TMEM147: variants seen among roughly 807,000 people sequenced by gnomAD.
The protein encoded by TMEM147 is BOS complex subunit TMEM147.
In TMEM147, 29 loss-of-function variants were observed where a neutral mutation model predicts 29.4. The ratio of observed to expected loss-of-function variants is 0.99; its 90% CI spans 0.73 to 1.34. The LOEUF (loss-of-function observed/expected upper bound fraction) is 1.34. Ranked by LOEUF, TMEM147 falls within the 40% of genes most tolerant of loss-of-function variation. The pLI, the probability that TMEM147 is intolerant of heterozygous loss-of-function variation, is 0.00. For synonymous variants in TMEM147, 121 were observed against 111.8 expected (o/e 1.08, Z -0.52); for missense variants, 260 against 289.4 (o/e 0.90, Z 0.74).
intron 5 of TMEM147, 25 bp from the exon 6 acceptor site, chr19:35,547,094 G>A: frequency 1.2e-6 from 2 of 1,614,184 alleles, no homozygotes; most frequent in Middle Eastern, 3.3e-4. Context: ...CCAAGGCCTG[G>A]CCCCGACTTT....
intron 4 of TMEM147, 37 bp downstream of exon 4, chr19:35,546,845 G>C (rs2071563966): frequency 3.1e-6 from 5 of 1,614,070 alleles, no homozygotes; most frequent in Non-Finnish European, 3.4e-6. Context: ...CCCCTGAGAA[G>C]GGACACCTGG....
In TMEM147 at chr19:35,547,161, C is replaced by T. The variant is rs747447468; in HGVS notation, c.472C>T (p.Arg158Cys). 11 of 1,614,050 alleles carry T rather than the reference C, an allele frequency of 6.8e-6. No individual in the cohort carries two copies. The highest frequency in any genetic ancestry group is 1.3e-5 in the African/African-American group (1 of 74,898). The change falls in exon 6 of 7, where the codon CGC becomes TGC. Residue 158 changes from arginine (R) to cysteine (C), a missense_variant. By Grantham distance (180) the Arg-to-Cys change is radical. Coordinates refer to ENST00000222284, the MANE Select transcript of TMEM147 (RefSeq NM_032635.4). ...GTCTGCTCAGGTCTGGATGATAACA[C>T]GCTATGATCTGTACCACACCTTCCG... is the stretch of plus-strand genomic sequence containing the variant. ...VASAQVWMIT[R>C]YDLYHTFRPA...
chr19:35,546,577 T>C lies in TMEM147; in HGVS notation c.199T>C (p.Phe67Leu). The C allele has an allele frequency of 6.2e-7, 1 of 1,613,432 alleles. No homozygotes were observed. Among genetic ancestry groups the C allele is most frequent in the Non-Finnish European group, 8.5e-7 (1 of 1,179,732 alleles). ...FPTWEGGIYD[F>L]IGEFMKASVD... is the part of the protein sequence containing the mutation. The stretch of plus-strand genomic sequence containing the variant: ...CACCTGGGAAGGCGGCATCTATGAC[T>C]TCATTGGGGTGAGAGGGGCCAGGGA... Residue 67 changes from phenylalanine (F) to leucine (L), a missense_variant, in exon 3 of 7, where the codon TTC (phenylalanine) becomes CTC (leucine). By Grantham distance (22) the Phe-to-Leu change is conservative. Transcript: ENST00000222284.
At chr19:35,546,623 G>A (rs117367621) in intron 3 of TMEM147, 38 bp downstream of exon 3, 65,687 of 1,609,482 alleles carry the variant, frequency 0.041, 1,506 homozygotes, top group Middle Eastern at 0.065. Context: ...GTTCAGGAAT[G>A]GGGCTCCCTG....
In TMEM147 at chr19:35,546,586, G is replaced by T. The variant is rs1301611238; in HGVS notation, c.207+1G>T. 1 of 1,613,100 alleles carries T rather than the reference G, an allele frequency of 6.2e-7. No individual in the cohort carries two copies. Among genetic ancestry groups the T allele is most frequent in the Non-Finnish European group, 8.5e-7 (1 of 1,179,598 alleles). ...AGGCGGCATCTATGACTTCATTGGG[G>T]TGAGAGGGGCCAGGGAAGGGAAGGG... On this transcript the variant is annotated splice_donor_variant, in intron 3 of 6. Transcript: ENST00000222284. LOFTEE classifies it high-confidence loss of function.
rs767203863 is a variant in TMEM147, at chr19:35,547,130, C to T, written c.441C>T (p.Ile147=). 3.7e-6 allele frequency: 6 copies of T among 1,614,184 alleles called. No homozygotes were observed. The highest frequency in any genetic ancestry group is 4.5e-5 in the East Asian group (2 of 44,884). The change falls in exon 6 of 7, where the codon ATC becomes ATT. Residue 147 remains isoleucine (I), a synonymous_variant. Transcript: ENST00000222284. ...CTGCCTCCCTCTAGGTCCATTACAT[C>T]GTCGCGTCTGCTCAGGTCTGGATGA... is the stretch of plus-strand genomic sequence containing the variant. The part of the protein sequence containing the change: ...IDSNISLVHY[I]VASAQVWMIT...
Position 35,545,662 on chromosome 19 carries a change from A to G in TMEM147, c.-78A>G. The G allele has an allele frequency of 1.3e-6, 2 of 1,515,784 alleles. No homozygotes were observed. The highest frequency in any genetic ancestry group is 1.2e-5 in the South Asian group (1 of 84,596). 93.9% of individuals were successfully genotyped at this position (1,515,784 alleles called of 1,614,324 possible). ...TGCCAGGCCCTGGCCGTGGCGAAAG[A>G]GCCGGCGGAGCCGGAGACCCGCTCC... On this transcript the variant is annotated 5_prime_UTR_variant, in exon 1 of 7. Transcript: ENST00000222284.
In TMEM147 at chr19:35,547,257, T is replaced by C; in HGVS notation, c.551+17T>C. 1 of 1,614,122 alleles carries C rather than the reference T, an allele frequency of 6.2e-7. No individual in the cohort carries two copies. Among genetic ancestry groups the C allele is most frequent in the Non-Finnish European group, 8.5e-7 (1 of 1,180,026 alleles). On this transcript the variant is annotated intron_variant, in intron 6 of 6. Transcript: ENST00000222284. ...TGTTATGGAGTGAGTTGGGTGGGGT[T>C]TAGGGCTGGGTCCAAAGTGGGGTGG... is the stretch of plus-strand genomic sequence containing the variant.
In TMEM147 at chr19:35,545,941, T is replaced by C; in HGVS notation, c.131T>C (p.Phe44Ser). The change falls in exon 2 of 7, where the codon TTT (phenylalanine) becomes TCT (serine). Residue 44 changes from phenylalanine to serine, a missense_variant. By Grantham distance (155) the Phe-to-Ser change is radical. Coordinates refer to ENST00000222284, the MANE Select transcript of TMEM147 (RefSeq NM_032635.4). The part of the protein sequence containing the change: ...KCVQAGVTYL[F>S]VQLCKMLFLA... ...GTCCAGGCTGGAGTCACCTACCTCT[T>C]TGTCCAACTCTGCAAGGTGAGGGCC... 5 of 1,613,820 alleles carry C rather than the reference T, an allele frequency of 3.1e-6. No homozygotes were observed. The highest frequency in any genetic ancestry group is 4.2e-6 in the Non-Finnish European group (5 of 1,179,878).
At chr19:35,546,887 A>G in intron 4 of TMEM147, 58 bp from the exon 5 acceptor site, 4 of 1,614,122 alleles carry the variant, frequency 2.5e-6, no homozygotes, top group Middle Eastern at 1.7e-4. Flanking sequence ...GCAGGGGCTC[A>G]AAGCCTGGTG....
In TMEM147 at chr19:35,547,339, C is replaced by T. The variant is rs1414843125; in HGVS notation, c.567C>T (p.Leu189=). Residue 189 remains leucine (L), a synonymous_variant, in exon 7 of 7, where the codon CTC becomes CTT. Transcript: ENST00000222284. ...TTTCCTGCAGGACCTTCGTCCACCT[C>T]TGCTCGCTGGGCAGTTGGGCAGCTC... ...KAFVMETFVH[L]CSLGSWAALL... is the part of the protein sequence containing the mutation. The T allele has an allele frequency of 1.9e-6, 3 of 1,613,920 alleles. No individual in the cohort carries two copies. Among genetic ancestry groups the T allele is most frequent in the Non-Finnish European group, 2.5e-6 (3 of 1,180,026 alleles).
intron 4 of TMEM147, 55 bp from the exon 5 acceptor site, chr19:35,546,890 G>A: frequency 6.2e-7 from 1 of 1,614,158 alleles, no homozygotes; most frequent in East Asian, 2.2e-5. Flanking sequence ...GGGGCTCAAA[G>A]CCTGGTGCTG....
chr19:35,547,363 T>TCTACTGGCCCGAGCAGTGGTAACGGGG lies in TMEM147; in HGVS notation c.594_620dup (p.Arg201_Ala209dup). 6.2e-7 allele frequency: 1 copy of TCTACTGGCCCGAGCAGTGGTAACGGGG among 1,614,016 alleles called. No homozygotes were observed. The highest frequency in any genetic ancestry group is 8.5e-7 in the Non-Finnish European group (1 of 1,180,034). On this transcript the variant is annotated inframe_insertion, in exon 7 of 7. Coordinates refer to ENST00000222284, the MANE Select transcript of TMEM147 (RefSeq NM_032635.4). The stretch of plus-strand genomic sequence containing the variant: ...TCTGCTCGCTGGGCAGTTGGGCAGC[T>TCTACTGGCCCGAGCAGTGGTAACGGGG]CTACTGGCCCGAGCAGTGGTAACGG...
rs2071572942 is a variant in TMEM147, at chr19:35,547,336, C to T, written c.564C>T (p.His188=). ...YKAFVMETFV[H]LCSLGSWAAL... The stretch of plus-strand genomic sequence containing the variant: ...CATTTTCCTGCAGGACCTTCGTCCA[C>T]CTCTGCTCGCTGGGCAGTTGGGCAG... The change falls in exon 7 of 7, where the codon CAC becomes CAT. Residue 188 remains histidine, a synonymous_variant. Transcript: ENST00000222284. 3 of 1,613,996 alleles carry T rather than the reference C, an allele frequency of 1.9e-6. No individual in the cohort carries two copies. Among genetic ancestry groups the T allele is most frequent in the Non-Finnish European group, 2.5e-6 (3 of 1,180,000 alleles).
At chr19:35,546,034 G>A (rs1210878902) in intron 2 of TMEM147, 77 bp downstream of exon 2, 5 of 1,505,714 alleles carry the variant, frequency 3.3e-6, no homozygotes, top group Admixed American at 3.9e-5. Flanking sequence ...TTGCCTATCC[G>A]CGCCCCCGCC....
At position 35,546,670 on chromosome 19, in the gene TMEM147, A is replaced by C; in HGVS notation, c.208-2A>C. ...TTACTTAAGCCTCAACCTGACCCGC[A>C]GGAGTTCATGAAGGCCAGCGTGGAT... On this transcript the variant is annotated splice_acceptor_variant, in intron 3 of 6. Coordinates refer to ENST00000222284, the MANE Select transcript of TMEM147 (RefSeq NM_032635.4). LOFTEE classifies it high-confidence loss of function. 6.2e-7 allele frequency: 1 copy of C among 1,612,608 alleles called. No individual in the cohort carries two copies. The highest frequency in any genetic ancestry group is 8.5e-7 in the Non-Finnish European group (1 of 1,178,910).
intron 2 of TMEM147, 195 bp from the exon 3 acceptor site, chr19:35,546,331 C>G: frequency 1.5e-6 from 1 of 653,834 alleles, no homozygotes; most frequent in South Asian, 2.0e-5. Context: ...AACTTCCAGC[C>G]CCCTCGGGGA....
chr19:35,546,698 G>A lies in TMEM147; in HGVS notation c.234G>A (p.Val78=). 1 of 1,614,076 alleles carries A rather than the reference G, an allele frequency of 6.2e-7. No homozygotes were observed. Among genetic ancestry groups the A allele is most frequent in the Non-Finnish European group, 8.5e-7 (1 of 1,179,952 alleles). ...AGTTCATGAAGGCCAGCGTGGATGT[G>A]GCAGACCTGATAGGTCTAAACCTTG... ...IGEFMKASVD[V]ADLIGLNLVM... The change falls in exon 4 of 7, where the codon GTG becomes GTA. Residue 78 remains valine (V), a synonymous_variant. Transcript: ENST00000222284.
At chr19:35,546,317 C>T (rs577004064) in intron 2 of TMEM147, 263 of 626,488 alleles carry the variant, frequency 4.2e-4, no homozygotes, top group Non-Finnish European at 6.6e-4. Context: ...TCACCCAGAA[C>T]TCAAACTTCC....
Sources: gnomAD v4.1 joint callset for allele counts on GRCh38, gnomAD v4.1.1 for gene constraint, MANE v1.5 for transcripts, NCBI Gene and HGNC (gene_info 2026-07-23, HGNC 2026-07-21) for gene names.